The following SYNE2 variants were observed in gnomAD, a reference collection of about 807,000 sequenced individuals.
The protein encoded by SYNE2 is nesprin-2.
SYNE2 carries 431 observed loss-of-function variants against 856.3 expected under a neutral mutation model. The observed-to-expected ratio is 0.50, with a 90% CI of 0.47 to 0.55. The LOEUF is 0.55. Ranked by LOEUF, SYNE2 falls within the 20% of genes least tolerant of loss-of-function variation. SYNE2 has a pLI of 0.00. For synonymous variants in SYNE2, 2,923 were observed against 2,872.3 expected, an observed-to-expected ratio of 1.02 and a Z score of -0.56; for missense variants, 8,129 against 8,023.2, an observed-to-expected ratio of 1.01 and a Z score of -0.50.
intron 21 of SYNE2, among the ~76,000 whole-genome samples, chr14:63,992,576 C>T (rs1435159284): frequency 2.6e-5 from 4 of 152,156 alleles, no homozygotes; most frequent in African/African-American, 9.7e-5. Context: ...CCACTGTGCC[C>T]AGCTTCTTGG....
chr14:64,211,035 G>A (rs1567656339), intron 103 of SYNE2, among the ~76,000 whole-genome samples: 3 of 151,860 alleles, frequency 2.0e-5, no homozygotes. Flanking sequence ...AGGCTGGAGT[G>A]CAGTGGTGAG....
chr14:64,148,783 G>T (rs2098212243), intron 84 of SYNE2, among the ~76,000 whole-genome samples: 2 of 152,134 alleles, frequency 1.3e-5, no homozygotes, highest in African/African-American at 4.8e-5. Flanking sequence ...AGCATCATGT[G>T]TCAGAGACTG....
intron 60 of SYNE2, among the ~76,000 whole-genome samples, chr14:64,091,712 T>C (rs2097617589): frequency 6.6e-6 from 1 of 152,232 alleles, no homozygotes; most frequent in African/African-American, 2.4e-5. Context: ...CATCATTAGT[T>C]AGGAATAATC....
intron 1 of SYNE2, among the ~76,000 whole-genome samples, chr14:63,892,947 T>C (rs1215941277): frequency 6.6e-6 from 1 of 152,056 alleles, no homozygotes; most frequent in Non-Finnish European, 1.5e-5. Context: ...CAAATACATA[T>C]AAGATCAGAT....
chr14:63,795,534 C>A (rs1276578661), intron 1 of SYNE2, among the ~76,000 whole-genome samples: 2 of 152,040 alleles, frequency 1.3e-5, no homozygotes, highest in African/African-American at 2.4e-5. Flanking sequence ...TATACACATA[C>A]ATACACACCC....
Position 64,056,259 on chromosome 14 carries a change from G to A in SYNE2, c.10060G>A (p.Ala3354Thr), listed in dbSNP as rs763091372. 7.4e-6 allele frequency: 12 copies of A among 1,613,868 alleles called. No homozygotes were observed. In the South Asian group the frequency reaches 1.2e-4, roughly 16 times the overall value. The change falls in exon 49 of 116, where the codon GCA (alanine) becomes ACA (threonine). Residue 3354 changes from alanine to threonine, a missense_variant. This residue lies in a region of SYNE2 where 5,410 missense variants were observed against 5,284.8 expected (regional missense o/e 1.02). Transcript: ENST00000555002. ...AGCTTTCAAAGCACAGGAAACTGAG[G>A]CAGAAAGGTAGGTCCTCTTCCAAAG... ...KEAFKAQETE[A>T]ERYLENYKCY... is the part of the protein sequence containing the mutation.
At chr14:63,788,420 G>A (rs12886839) in intron 1 of SYNE2, among the ~76,000 whole-genome samples, 96,098 of 152,002 alleles carry the variant, frequency 0.63, 30,851 homozygotes, top group South Asian at 0.75. Flanking sequence ...GCAGCAGTGG[G>A]TCAGGCAGCT....
intron 45 of SYNE2, among the ~76,000 whole-genome samples, chr14:64,047,270 A>C (rs2097192936): frequency 1.3e-5 from 2 of 152,202 alleles, no homozygotes; most frequent in African/African-American, 4.8e-5. Flanking sequence ...GTGTCTTTAT[A>C]GGCACAGGAT....
chr14:64,104,638 A>G (rs530048766), intron 64 of SYNE2, among the ~76,000 whole-genome samples: 1 of 151,136 alleles, frequency 6.6e-6, no homozygotes, highest in Non-Finnish European at 1.5e-5. Context: ...TTTAGTAGAG[A>G]CAGAGTTTTG....
At chr14:63,915,688 A>G (rs988487602) in intron 2 of SYNE2, among the ~76,000 whole-genome samples, 2 of 152,148 alleles carry the variant, frequency 1.3e-5, no homozygotes, top group Non-Finnish European at 2.9e-5. Flanking sequence ...TGTTTTATTT[A>G]ATGCTGTTAT....
chr14:63,992,480 C>G (rs1445646719), intron 21 of SYNE2, among the ~76,000 whole-genome samples: 1 of 152,098 alleles, frequency 6.6e-6, no homozygotes, highest in Non-Finnish European at 1.5e-5. Context: ...GGGTCTCACT[C>G]TGTTGGTCAA....
At position 64,053,253 on chromosome 14, in the gene SYNE2, T is replaced by C. The variant is rs1215901865; in HGVS notation, c.9340T>C (p.Ser3114Pro). 6.2e-7 allele frequency: 1 copy of C among 1,609,826 alleles called. No individual in the cohort carries two copies. The highest frequency in any genetic ancestry group is 8.5e-7 in the Non-Finnish European group (1 of 1,178,864). The part of the protein sequence containing the change: ...KLNENKTFDD[S>P]FKEKEILQIK... Reference sequence around the variant, plus strand: ...AAATGAAAATAAGACCTTTGATGACTCATTCAAGGAGAAAGAAATACTACA... The same window carrying C: ...AAATGAAAATAAGACCTTTGATGACCCATTCAAGGAGAAAGAAATACTACA... Residue 3114 changes from serine (S) to proline (P), a missense_variant, in exon 48 of 116, where the codon TCA (serine) becomes CCA (proline). Physicochemically the swap from Ser to Pro is moderately conservative, Grantham distance 74. Around this residue, in one of 3 missense-constraint regions of SYNE2, gnomAD observed 5,410 missense variants for 5,284.8 expected, o/e 1.02. Coordinates refer to ENST00000555002, the MANE Select transcript of SYNE2 (RefSeq NM_182914.3).
At chr14:64,207,497 T>C (rs564177217) in intron 100 of SYNE2, among the ~76,000 whole-genome samples, 6 of 150,962 alleles carry the variant, frequency 4.0e-5, no homozygotes, top group African/African-American at 1.2e-4. Context: ...GAGGTAGAGG[T>C]TTCCGTGAGC....
chr14:63,943,678 ATT>A (rs71444629), intron 6 of SYNE2, among the ~76,000 whole-genome samples: 76 of 54,622 alleles, frequency 1.4e-3, no homozygotes, highest in African/African-American at 3.2e-3. Flanking sequence ...TATTATTATT[ATT>A]TTTTTTTTGA....
rs1232855710 is a variant in SYNE2, at chr14:64,002,126, C to T, written c.3786+45C>T. ...CAGTGTATTTACAGAATAATCGAGT[C>T]TTTTGAGATTTATAAATCCTTATGG... On this transcript the variant is annotated intron_variant, in intron 29 of 115. Coordinates refer to ENST00000555002, the MANE Select transcript of SYNE2 (RefSeq NM_182914.3). 2.1e-6 allele frequency: 3 copies of T among 1,445,644 alleles called. No homozygotes were observed. The South Asian group carries it at 3.4e-5, about 17-fold the overall frequency. 89.6% of individuals were successfully genotyped at this position (1,445,644 alleles called of 1,614,324 possible).
At chr14:63,944,531 T>C (rs983155127) in intron 6 of SYNE2, among the ~76,000 whole-genome samples, 4 of 142,338 alleles carry the variant, frequency 2.8e-5, no homozygotes, top group Non-Finnish European at 4.6e-5. Flanking sequence ...TTTTTTTTTT[T>C]TTTTTTTTTT....
In SYNE2 at chr14:64,208,987, C is replaced by T. The variant is rs748184740; in HGVS notation, c.18389+42C>T. On this transcript the variant is annotated intron_variant, in intron 101 of 115. Coordinates refer to ENST00000555002, the MANE Select transcript of SYNE2 (RefSeq NM_182914.3). Reference sequence around the variant, plus strand: ...CCCAAATGCCTTCAGCGTGGTCAGCCGAACTCAATACACCCTTCTGACCTC... The same window carrying T: ...CCCAAATGCCTTCAGCGTGGTCAGCTGAACTCAATACACCCTTCTGACCTC... The T allele has an allele frequency of 8.1e-6, 13 of 1,598,594 alleles. 1 individual carries two copies. The highest frequency in any genetic ancestry group is 1.7e-4 in the Middle Eastern group (1 of 5,762).
At position 63,980,590 on chromosome 14, in the gene SYNE2, T is replaced by C. The variant is rs2096578148; in HGVS notation, c.1570-64T>C. ...TTCGTTGAATGGCTGTATCTCACTA[T>C]CTGGATTTCTTGGCACAATTTTAAA... On this transcript the variant is annotated intron_variant, in intron 14 of 115. Coordinates refer to ENST00000555002, the MANE Select transcript of SYNE2 (RefSeq NM_182914.3). The C allele has an allele frequency of 2.7e-6, 3 of 1,130,444 alleles. No homozygotes were observed. In the Admixed American group the frequency reaches 5.7e-5, roughly 21 times the overall value. The allele number at this position is 1,130,444 out of a possible 1,614,324, so 70.0% of individuals were successfully genotyped here. A position where few individuals can be genotyped will look rare whatever the true frequency, so the allele number is the denominator to read the frequency against.
At chr14:63,923,466 T>A (rs1373691465) in intron 2 of SYNE2, among the ~76,000 whole-genome samples, 2 of 152,194 alleles carry the variant, frequency 1.3e-5, no homozygotes, top group Non-Finnish European at 2.9e-5. Flanking sequence ...TGAGGAAAAA[T>A]AACAAACTCC....
Sources: gnomAD v4.1 joint callset for allele counts (sites outside exome capture counted in the v4.1 genomes callset) on GRCh38, gnomAD v4.1.1 for gene constraint, gnomAD v4.1.1 regional missense constraint, MANE v1.5 for transcripts, NCBI Gene and HGNC (gene_info 2026-07-23, HGNC 2026-07-21) for gene names.